The following RBM19 variants were observed in gnomAD, a reference collection of about 807,000 sequenced individuals.
The protein encoded by RBM19 is RNA binding motif protein 19, also known as probable RNA-binding protein 19.
Under a neutral mutation model 116.8 loss-of-function variants are expected in RBM19, and 94 were observed. That is an observed-to-expected ratio of 0.80 (90% CI 0.68 to 0.95). The LOEUF is 0.95. Among genes scored for constraint, RBM19 ranks in the 40% least tolerant of loss-of-function variants. The pLI, the probability that RBM19 is intolerant of heterozygous loss-of-function variation, is 0.00. For missense variants in RBM19, 1,161 were observed against 1,220.7 expected (o/e 0.95, Z 0.73); for synonymous variants, 475 against 494.1 (o/e 0.96, Z 0.51).
chr12:113,878,853 G>T (rs1389397466), intron 21 of RBM19, among the ~76,000 whole-genome samples: 1 of 150,536 alleles, frequency 6.6e-6, no homozygotes, highest in Admixed American at 6.6e-5. Context: ...AGGGGGGGGT[G>T]GTGAGAGGGT....
At chr12:113,929,013 G>A (rs1223949256) in intron 16 of RBM19, among the ~76,000 whole-genome samples, 1 of 152,064 alleles carries the variant, frequency 6.6e-6, no homozygotes. Context: ...GATGACCAGT[G>A]ACCTCCCCTA....
chr12:113,876,929 A>G (rs936231613), intron 21 of RBM19, among the ~76,000 whole-genome samples: 1 of 152,244 alleles, frequency 6.6e-6, no homozygotes, highest in African/African-American at 2.4e-5. Context: ...GAGTGTTCTG[A>G]CACCTGTGTC....
Position 113,962,886 on chromosome 12 carries a change from G to A in RBM19, c.37-472C>T, listed in dbSNP as rs528218775. ...CTTACAAGGCAAAAGGGACTTGTCA[G>A]GTGTGACTGATATGGAGATGGGGAG... is the stretch of plus-strand genomic sequence containing the variant. On this transcript the variant is annotated intron_variant, in intron 1 of 23. Coordinates refer to ENST00000261741, the MANE Select transcript of RBM19 (RefSeq NM_016196.4). 9.8e-5 allele frequency among the ~76,000 whole-genome samples: 15 copies of A among 152,330 alleles called. No homozygotes were observed. The South Asian group carries it at 2.5e-3, about 25-fold the overall frequency.
At chr12:113,895,059 C>T (rs1881226269) in intron 21 of RBM19, among the ~76,000 whole-genome samples, 1 of 152,226 alleles carries the variant, frequency 6.6e-6, no homozygotes, top group South Asian at 2.1e-4. Flanking sequence ...GCAGCATGCA[C>T]AGTGATAGTT....
At chr12:113,948,762 C>G in intron 10 of RBM19, 71 bp downstream of exon 10, 3 of 1,514,808 alleles carry the variant, frequency 2.0e-6, no homozygotes, top group Non-Finnish European at 2.7e-6. Flanking sequence ...GACTTGAACC[C>G]AGGACGTCAG....
intron 21 of RBM19, among the ~76,000 whole-genome samples, chr12:113,877,159 G>A (rs568878753): frequency 6.6e-6 from 1 of 152,208 alleles, no homozygotes; most frequent in African/African-American, 2.4e-5. Flanking sequence ...AGGGTGTGGA[G>A]GTGATTTTAC....
At chr12:113,915,628 G>C (rs563055292) in intron 20 of RBM19, among the ~76,000 whole-genome samples, 2 of 152,332 alleles carry the variant, frequency 1.3e-5, no homozygotes, top group South Asian at 4.1e-4. Flanking sequence ...AAACAGGGTA[G>C]GGAAGTGAGC....
chr12:113,946,366 G>C lies in RBM19; in HGVS notation c.1517C>G (p.Ala506Gly). The change falls in exon 12 of 24, where the codon GCC (alanine) becomes GGC (glycine). Residue 506 changes from alanine (A) to glycine (G), a missense_variant. Physicochemically the swap from Ala to Gly is moderately conservative, Grantham distance 60 (BLOSUM62 0). Transcript: ENST00000261741. ...GGGCACTGAGGACCTGGCACTGTTG[G>C]CTTTGTCCTGGGCCTCCTTCTTCTT... Reference protein sequence around the residue: ...YKKKKEAQDKANSASSHNWNT... With the variant: ...YKKKKEAQDKGNSASSHNWNT... The C allele has an allele frequency of 1.2e-6, 2 of 1,614,108 alleles. No homozygotes were observed. The highest frequency in any genetic ancestry group is 1.7e-6 in the Non-Finnish European group (2 of 1,180,012).
At position 113,947,318 on chromosome 12, in the gene RBM19, C is replaced by T. The variant is rs1384147546; in HGVS notation, c.1407+16G>A. 6.3e-6 allele frequency: 10 copies of T among 1,581,886 alleles called. No homozygotes were observed. Among genetic ancestry groups the T allele is most frequent in the Non-Finnish European group, 7.8e-6 (9 of 1,156,172 alleles). On this transcript the variant is annotated intron_variant, in intron 11 of 23. Coordinates refer to ENST00000261741, the MANE Select transcript of RBM19 (RefSeq NM_016196.4). ...GAGCCCCACAGCCTCCTGGCCAGCC[C>T]AGGACGGGGCCTCACCTGGAATACC...
intron 17 of RBM19, among the ~76,000 whole-genome samples, chr12:113,926,430 G>T (rs1213135889): frequency 6.6e-6 from 1 of 152,090 alleles, no homozygotes; most frequent in Non-Finnish European, 1.5e-5. Context: ...GAAATAAACA[G>T]TCTCCTGAGG....
chr12:113,896,659 G>A (rs1881351207), intron 21 of RBM19, among the ~76,000 whole-genome samples: 1 of 152,202 alleles, frequency 6.6e-6, no homozygotes, highest in Non-Finnish European at 1.5e-5. Context: ...GAGAACAGAG[G>A]TGAGGAGAGG....
chr12:113,920,509 G>C (rs1423783522), intron 19 of RBM19, 102 bp downstream of exon 19: 4 of 1,089,076 alleles, frequency 3.7e-6, no homozygotes, highest in Admixed American at 3.5e-5. Context: ...CCGGTCAAGT[G>C]TAGACTTCAT....
intron 23 of RBM19, among the ~76,000 whole-genome samples, chr12:113,824,728 C>T (rs955500063): frequency 6.6e-6 from 1 of 152,054 alleles, no homozygotes; most frequent in African/African-American, 2.4e-5. Context: ...CCTGGGTGAG[C>T]GATTTCACCT....
chr12:113,852,103 G>A (rs1008541922), intron 22 of RBM19, among the ~76,000 whole-genome samples: 2 of 151,730 alleles, frequency 1.3e-5, no homozygotes, highest in African/African-American at 4.8e-5. Context: ...TGTCAAACTT[G>A]GCTGGGAGTT....
intron 16 of RBM19, among the ~76,000 whole-genome samples, chr12:113,931,293 C>T (rs373129105): frequency 4.3e-4 from 65 of 152,202 alleles, no homozygotes; most frequent in African/African-American, 1.5e-3. Context: ...CCCAGCTAGT[C>T]CCCAGCATGG....
intron 23 of RBM19, among the ~76,000 whole-genome samples, chr12:113,838,665 G>T (rs561343019): frequency 1.3e-5 from 2 of 152,180 alleles, no homozygotes; most frequent in Non-Finnish European, 2.9e-5. Context: ...GTACCTGGCC[G>T]CCAAGTAAGG....
At chr12:113,924,848 T>G in intron 17 of RBM19, 91 bp from the exon 18 acceptor site, 8 of 1,072,230 alleles carry the variant, frequency 7.5e-6, no homozygotes, top group Non-Finnish European at 1.2e-5. Flanking sequence ...AAATTTGCCA[T>G]ATGGACACCT....
chr12:113,858,249 G>A (rs915533135), intron 22 of RBM19, among the ~76,000 whole-genome samples: 2 of 152,224 alleles, frequency 1.3e-5, no homozygotes, highest in Admixed American at 6.5e-5. Context: ...TTCTCAAGGA[G>A]CCTGGAGGGA....
chr12:113,825,847 G>A lies in RBM19; in HGVS notation c.2786-2526C>T, dbSNP rs1041867735. The stretch of plus-strand genomic sequence containing the variant: ...CCTCTGCCCTCCTCCCAGGAGTCTG[G>A]TCTCAAACGGCAGCCAGAGGGAGCT... On this transcript the variant is annotated intron_variant, in intron 23 of 23. Transcript: ENST00000261741. This position sits in a 1 kb window ranked among gnomAD's most constrained non-coding sequence, Gnocchi z 5.7. 1.3e-5 allele frequency among the ~76,000 whole-genome samples: 2 copies of A among 152,190 alleles called. No homozygotes were observed. The highest frequency in any genetic ancestry group is 2.9e-5 in the Non-Finnish European group (2 of 68,032).
Sources: gnomAD v4.1 joint callset for allele counts (sites outside exome capture counted in the v4.1 genomes callset) on GRCh38, gnomAD v4.1.1 for gene constraint, Gnocchi (gnomAD v3.1) non-coding constraint, MANE v1.5 for transcripts, NCBI Gene and HGNC (gene_info 2026-07-23, HGNC 2026-07-21) for gene names.